TRIM9: variants seen among roughly 807,000 people sequenced by gnomAD.
TRIM9 encodes the protein tripartite motif containing 9.
Under a neutral mutation model 78.3 loss-of-function variants are expected in TRIM9, and 26 were observed. That is an observed-to-expected ratio of 0.33 (90% CI 0.24 to 0.46). The LOEUF (loss-of-function observed/expected upper bound fraction) is 0.46, where lower values mean the gene tolerates loss of function less well. Among genes scored for constraint, TRIM9 ranks in the 20% least tolerant of loss-of-function variants. The pLI, the probability that TRIM9 is intolerant of heterozygous loss-of-function variation, is 1.00. For synonymous variants in TRIM9, 398 were observed against 416.5 expected (o/e 0.96, Z 0.54); for missense variants, 787 against 1,036.4 (o/e 0.76, Z 3.30).
chr14:51,036,296 T>G lies in TRIM9; in HGVS notation c.823-10936A>C, dbSNP rs2139926762. Among the ~76,000 whole-genome samples the G allele has an allele frequency of 1.3e-5, 2 of 152,272 alleles. 1 individual carries two copies. The highest frequency in any genetic ancestry group is 4.2e-4 in the South Asian group (2 of 4,818). ...ATTGGCAAACACTACAAATAAGAAT[T>G]TGTTTTTGTTTTTTTTGAGAGCCGG... On this transcript the variant is annotated intron_variant, in intron 1 of 12. Coordinates refer to ENST00000684578, the MANE Select transcript of TRIM9 (RefSeq NM_001387360.1).
intron 7 of TRIM9, among the ~76,000 whole-genome samples, chr14:50,989,615 C>A (rs2053215507): frequency 6.6e-6 from 1 of 152,196 alleles, no homozygotes; most frequent in Non-Finnish European, 1.5e-5. Flanking sequence ...CATATTTCAT[C>A]ACACGCAGGG....
chr14:50,983,004 T>C, intron 9 of TRIM9, 39 bp from the exon 10 acceptor site: 5 of 1,543,808 alleles, frequency 3.2e-6, no homozygotes, highest in Non-Finnish European at 4.4e-6. Flanking sequence ...GGGAGAGAGA[T>C]AGGAAGCAAA....
At chr14:51,062,519 G>A (rs1344465786) in intron 1 of TRIM9, among the ~76,000 whole-genome samples, 1 of 152,130 alleles carries the variant, frequency 6.6e-6, no homozygotes, top group African/African-American at 2.4e-5. Context: ...ACTATTTGAA[G>A]GCATTGGAGA....
chr14:51,041,942 G>A (rs1403965165), intron 1 of TRIM9, among the ~76,000 whole-genome samples: 6 of 152,028 alleles, frequency 3.9e-5, no homozygotes, highest in South Asian at 4.1e-4. Flanking sequence ...ACCTTGTATC[G>A]CCGAATCCAT....
intron 1 of TRIM9, among the ~76,000 whole-genome samples, chr14:51,059,092 C>A (rs967645461): frequency 3.3e-5 from 5 of 152,196 alleles, no homozygotes; most frequent in African/African-American, 7.2e-5. Context: ...ACCCCAATAT[C>A]AGCACGAGCT....
intron 1 of TRIM9, among the ~76,000 whole-genome samples, chr14:51,045,951 T>C (rs1342796225): frequency 6.6e-6 from 1 of 151,934 alleles, no homozygotes; most frequent in Non-Finnish European, 1.5e-5. Context: ...AGATAATAAA[T>C]TGGAGAATAC....
intron 1 of TRIM9, among the ~76,000 whole-genome samples, chr14:51,061,341 A>G (rs2061337968): frequency 6.7e-6 from 1 of 148,806 alleles, no homozygotes; most frequent in African/African-American, 2.5e-5. Flanking sequence ...TGAACCCAGG[A>G]GGCGGAGGTT....
rs201992280 is a variant in TRIM9, at chr14:51,075,014, CAA to C, written c.822+19102_822+19103del. ...GCAACAGGCAGCGGACATTTTTATC[CAA>C]AGAGACTCTTGTCAGGAACTGAGTC... is the stretch of plus-strand genomic sequence containing the variant. On this transcript the variant is annotated intron_variant, in intron 1 of 12. Coordinates refer to ENST00000684578, the MANE Select transcript of TRIM9 (RefSeq NM_001387360.1). Among the ~76,000 whole-genome samples the C allele has an allele frequency of 1.5e-3, 227 of 152,304 alleles. 3 individuals carry two copies. Among genetic ancestry groups the C allele is most frequent in the Admixed American group, 0.013 (194 of 15,288 alleles).
At chr14:51,048,966 A>G (rs1163880119) in intron 1 of TRIM9, among the ~76,000 whole-genome samples, 1 of 150,204 alleles carries the variant, frequency 6.7e-6, no homozygotes, top group African/African-American at 2.5e-5. Context: ...CCTAGGTGAC[A>G]GCATGAGACT....
chr14:51,040,256 G>T (rs2059476535), intron 1 of TRIM9, among the ~76,000 whole-genome samples: 2 of 152,190 alleles, frequency 1.3e-5, no homozygotes. Flanking sequence ...TTGACCAACA[G>T]AAATAGTTGA....
chr14:51,050,764 C>G (rs1050153520), intron 1 of TRIM9, among the ~76,000 whole-genome samples: 2 of 152,156 alleles, frequency 1.3e-5, no homozygotes, highest in African/African-American at 4.8e-5. Flanking sequence ...CTCTCCACCC[C>G]TCTTCCTTTC....
chr14:51,012,751 C>T (rs1566577540), intron 3 of TRIM9, among the ~76,000 whole-genome samples: 1 of 152,172 alleles, frequency 6.6e-6, no homozygotes. Flanking sequence ...ATATAGCCAT[C>T]GTAAATGTAT....
chr14:51,022,630 C>T (rs1207602855), intron 3 of TRIM9, among the ~76,000 whole-genome samples: 1 of 152,150 alleles, frequency 6.6e-6, no homozygotes, highest in Non-Finnish European at 1.5e-5. Context: ...AGAAAAGTCA[C>T]CCAACAAACA....
At chr14:51,020,394 G>A (rs755489454) in intron 3 of TRIM9, among the ~76,000 whole-genome samples, 18 of 152,128 alleles carry the variant, frequency 1.2e-4, no homozygotes, top group Non-Finnish European at 2.6e-4. Flanking sequence ...CAAATCATTC[G>A]AGATAGAAGA....
chr14:51,015,889 A>G (rs2057137124), intron 3 of TRIM9, among the ~76,000 whole-genome samples: 1 of 152,098 alleles, frequency 6.6e-6, no homozygotes, highest in South Asian at 2.1e-4. Context: ...AAACACTAAC[A>G]TTCTTTCTCT....
At chr14:51,007,413 G>A (rs1250414335) in intron 5 of TRIM9, among the ~76,000 whole-genome samples, 1 of 152,206 alleles carries the variant, frequency 6.6e-6, no homozygotes, top group Non-Finnish European at 1.5e-5. Context: ...CAACAAAAAT[G>A]TAGATTTGTT....
At chr14:51,039,182 G>A (rs1255546864) in intron 1 of TRIM9, among the ~76,000 whole-genome samples, 1 of 152,174 alleles carries the variant, frequency 6.6e-6, no homozygotes, top group Non-Finnish European at 1.5e-5. Flanking sequence ...TGACAATTTG[G>A]AGTGCTGGTC....
chr14:51,025,258 C>T lies in TRIM9; in HGVS notation c.918+7G>A. On this transcript the variant is annotated splice_region_variant and intron_variant, in intron 2 of 12. Transcript: ENST00000684578. ...GGGTTTCCTTGCGTCCCAGGTAACA[C>T]CCATACCTGGATCTGCTGGACCATG... 1.2e-6 allele frequency: 2 copies of T among 1,613,282 alleles called. No individual in the cohort carries two copies. Among genetic ancestry groups the T allele is most frequent in the Non-Finnish European group, 1.7e-6 (2 of 1,179,210 alleles).
chr14:51,063,299 A>G (rs1303790171), intron 1 of TRIM9, among the ~76,000 whole-genome samples: 1 of 152,220 alleles, frequency 6.6e-6, no homozygotes, highest in Non-Finnish European at 1.5e-5. Context: ...TCAATCTGAC[A>G]GAGAGAGGAA....
Sources: gnomAD v4.1 joint callset for allele counts (sites outside exome capture counted in the v4.1 genomes callset) on GRCh38, gnomAD v4.1.1 for gene constraint, MANE v1.5 for transcripts, NCBI Gene and HGNC (gene_info 2026-07-23, HGNC 2026-07-21) for gene names.